The following CPEB1 variants were observed in gnomAD, a reference collection of about 807,000 sequenced individuals.
CPEB1 encodes the protein cytoplasmic polyadenylation element-binding protein 1.
In CPEB1, 7 loss-of-function variants were observed where a neutral mutation model predicts 65.8. The observed-to-expected ratio is 0.11, with a 90% CI of 0.06 to 0.20. The LOEUF is 0.20. Ranked by LOEUF, CPEB1 falls within the 10% of genes least tolerant of loss-of-function variation. The pLI, the probability that CPEB1 is intolerant of heterozygous loss-of-function variation, is 1.00. For synonymous variants in CPEB1, 262 were observed against 260.0 expected (o/e 1.01, Z -0.08); for missense variants, 551 against 712.2 (o/e 0.77, Z 2.58).
At chr15:82,639,664 G>C (rs1596144705) in intron 1 of CPEB1, among the ~76,000 whole-genome samples, 1 of 152,258 alleles carries the variant, frequency 6.6e-6, no homozygotes, top group Admixed American at 6.5e-5. Flanking sequence ...GTGTCTTTTA[G>C]CTACCATCTG....
At chr15:82,592,347 G>T (rs996914559) in intron 3 of CPEB1, among the ~76,000 whole-genome samples, 1 of 151,936 alleles carries the variant, frequency 6.6e-6, no homozygotes, top group African/African-American at 2.4e-5. Flanking sequence ...TAGCACTTTG[G>T]GAGGCAGAGA....
chr15:82,587,648 G>A (rs2041907034), intron 3 of CPEB1, among the ~76,000 whole-genome samples: 1 of 152,086 alleles, frequency 6.6e-6, no homozygotes, highest in Non-Finnish European at 1.5e-5. Context: ...ATTGTTTATA[G>A]CAAATGTAAA....
chr15:82,636,528 C>T (rs372271793), intron 1 of CPEB1, among the ~76,000 whole-genome samples: 21 of 152,340 alleles, frequency 1.4e-4, no homozygotes, highest in African/African-American at 5.1e-4. Flanking sequence ...GGAAATACTA[C>T]AATTTCCAGG....
At chr15:82,572,948 T>G (rs1026755770) in intron 3 of CPEB1, 3 of 1,307,362 alleles carry the variant, frequency 2.3e-6, no homozygotes, top group Admixed American at 5.9e-5. Context: ...CCAGGGTCAC[T>G]GGGCTTCTTC....
rs539365319 is a variant in CPEB1, at chr15:82,563,304, G to A, written c.461-5318C>T. 4.7e-5 allele frequency among the ~76,000 whole-genome samples: 7 copies of A among 148,578 alleles called. No homozygotes were observed. The East Asian group carries it at 8.0e-4, about 17-fold the overall frequency. On this transcript the variant is annotated intron_variant, in intron 4 of 12. Coordinates refer to ENST00000684509, the MANE Select transcript of CPEB1 (RefSeq NM_001365242.1). ...AAAGTAGTGTTATCAACTTTAAATT[G>A]ACTAAAGTTAACTGTTTTGTTACAT... is the stretch of plus-strand genomic sequence containing the variant.
intron 3 of CPEB1, among the ~76,000 whole-genome samples, chr15:82,613,810 G>T (rs112790205): frequency 6.9e-6 from 1 of 145,742 alleles, no homozygotes; most frequent in African/African-American, 2.6e-5. Context: ...AGCTCCCCCC[G>T]GGGAGAGAGA....
rs987459174 is a variant in CPEB1, at chr15:82,643,809, G to A, written c.-98+3328C>T. 5.3e-4 allele frequency among the ~76,000 whole-genome samples: 80 copies of A among 152,040 alleles called. 1 individual carries two copies. The highest frequency in any genetic ancestry group is 1.8e-3 in the African/African-American group (76 of 41,402). On this transcript the variant is annotated intron_variant, in intron 1 of 12. Coordinates refer to ENST00000684509, the MANE Select transcript of CPEB1 (RefSeq NM_001365242.1). The stretch of plus-strand genomic sequence containing the variant: ...GGAGCTTATCTCAGATTTTACCACA[G>A]ACTGCTTTAAAAAAATTTTTTTTAA...
chr15:82,614,685 G>A (rs1282021202), intron 3 of CPEB1, among the ~76,000 whole-genome samples: 3 of 151,850 alleles, frequency 2.0e-5, no homozygotes, highest in Non-Finnish European at 4.4e-5. Flanking sequence ...CATGCACCAG[G>A]CCCAATACTG....
chr15:82,578,776 A>C (rs112637824), intron 3 of CPEB1, among the ~76,000 whole-genome samples: 1,630 of 152,168 alleles, frequency 0.011, 27 homozygotes, highest in African/African-American at 0.036. Context: ...AACAAACAAA[A>C]AAAACCCCAA....
chr15:82,543,802 A>G lies in CPEB1; in HGVS notation c.*790T>C, dbSNP rs1170877219. ...CGCTCAAACACCGTTTATCCGGTCC[A>G]GTTTCAAATAAAACAAAAAATTTTT... is the stretch of plus-strand genomic sequence containing the variant. On this transcript the variant is annotated 3_prime_UTR_variant, in exon 13 of 13. Coordinates refer to ENST00000684509, the MANE Select transcript of CPEB1 (RefSeq NM_001365242.1). 2 of 152,398 alleles carry G rather than the reference A, an allele frequency of 1.3e-5. No individual in the cohort carries two copies. The highest frequency in any genetic ancestry group is 3.9e-4 in the East Asian group (2 of 5,186). The allele number at this position is 152,398 out of a possible 1,614,324, so 9.4% of individuals were successfully genotyped here.
rs2035383433 is a variant in CPEB1 at position 82,547,242 on chromosome 15, G to A, written c.1481-5C>T. The A allele has an allele frequency of 6.4e-7, 1 of 1,563,208 alleles. No individual in the cohort carries two copies. Reference sequence around the variant, plus strand: ...TGAAAGTCACACGACCAGAACCTAGGACAACAGACACAAGCTTCCCTTCTA... The same window carrying A: ...TGAAAGTCACACGACCAGAACCTAGAACAACAGACACAAGCTTCCCTTCTA... On this transcript the variant is annotated splice_region_variant and splice_polypyrimidine_tract_variant and intron_variant, in intron 10 of 12. Coordinates refer to ENST00000684509, the MANE Select transcript of CPEB1 (RefSeq NM_001365242.1).
At chr15:82,578,104 C>T (rs1407217979) in intron 3 of CPEB1, among the ~76,000 whole-genome samples, 1 of 152,014 alleles carries the variant, frequency 6.6e-6, no homozygotes, top group Non-Finnish European at 1.5e-5. Flanking sequence ...CGTGCCACTG[C>T]ACTCCAGCCT....
chr15:82,571,563 CAG>C, intron 3 of CPEB1, 31 bp from the exon 4 acceptor site: 1 of 1,598,722 alleles, frequency 6.3e-7, no homozygotes, highest in South Asian at 1.1e-5. Context: ...GCAGAAACCT[CAG>C]AGTTAAGGGC....
At chr15:82,613,302 G>A (rs987925727) in intron 3 of CPEB1, among the ~76,000 whole-genome samples, 4 of 151,926 alleles carry the variant, frequency 2.6e-5, no homozygotes, top group Non-Finnish European at 2.9e-5. Context: ...GAATAAAGGA[G>A]AAAGGTTAAA....
At chr15:82,588,399 T>C (rs1403725640) in intron 3 of CPEB1, among the ~76,000 whole-genome samples, 1 of 152,230 alleles carries the variant, frequency 6.6e-6, no homozygotes, top group African/African-American at 2.4e-5. Context: ...TATACAAGCA[T>C]GTATACACAT....
intron 2 of CPEB1, chr15:82,628,128 A>T (rs1214400897): frequency 1.5e-6 from 1 of 686,524 alleles, no homozygotes; most frequent in Admixed American, 2.2e-5. Context: ...AAAGTCTAGA[A>T]GAATTACACC....
At chr15:82,627,896 A>G (rs926111278) in intron 2 of CPEB1, among the ~76,000 whole-genome samples, 2 of 152,174 alleles carry the variant, frequency 1.3e-5, no homozygotes, top group Non-Finnish European at 2.9e-5. Flanking sequence ...TTTATGATGA[A>G]CAAGGTACTC....
intron 3 of CPEB1, among the ~76,000 whole-genome samples, chr15:82,574,854 G>A (rs1567194446): frequency 6.6e-6 from 1 of 151,534 alleles, no homozygotes; most frequent in Non-Finnish European, 1.5e-5. Context: ...GTTATGGTCT[G>A]ATAAACCCAT....
rs560808141 is a variant in CPEB1 at position 82,553,661 on chromosome 15, G to A, written c.1055-105C>T. 4.5e-6 allele frequency: 4 copies of A among 880,646 alleles called. No homozygotes were observed. The East Asian group carries it at 1.1e-4, about 23-fold the overall frequency. 54.6% of individuals were successfully genotyped at this position (880,646 alleles called of 1,614,324 possible). A position where few individuals can be genotyped will look rare whatever the true frequency, so the allele number is the denominator to read the frequency against. Reference sequence around the variant, plus strand: ...TTCTCCTCCCTGGCTCATCCCCACTGACAAACAACTCAGAAACGAATGCTG... The same window carrying A: ...TTCTCCTCCCTGGCTCATCCCCACTAACAAACAACTCAGAAACGAATGCTG... On this transcript the variant is annotated intron_variant, in intron 7 of 12. Coordinates refer to ENST00000684509, the MANE Select transcript of CPEB1 (RefSeq NM_001365242.1).
Sources: allele counts gnomAD v4.1 joint callset (sites outside exome capture counted in the v4.1 genomes callset), GRCh38; gene constraint gnomAD v4.1.1; transcripts MANE v1.5; gene names NCBI Gene and HGNC (gene_info 2026-07-23, HGNC 2026-07-21).